Variants in ZNF366 observed in about 807,000 individuals in gnomAD.
The protein encoded by ZNF366 is zinc finger protein 366.
Under a neutral mutation model 47.2 loss-of-function variants are expected in ZNF366, and 20 were observed. That is an observed-to-expected ratio of 0.42 (90% CI 0.30 to 0.62). ZNF366 has a LOEUF of 0.62. Among genes scored for constraint, ZNF366 ranks in the 20% least tolerant of loss-of-function variants. ZNF366 has a pLI of 0.16. For missense variants in ZNF366, 987 were observed against 976.3 expected (o/e 1.01, Z -0.15); for synonymous variants, 421 against 395.1 (o/e 1.07, Z -0.78).
intron 1 of ZNF366, among the ~76,000 whole-genome samples, chr5:72,481,539 T>C (rs1184146411): frequency 6.6e-6 from 1 of 152,244 alleles, no homozygotes; most frequent in African/African-American, 2.4e-5. Flanking sequence ...TTAGATTCTC[T>C]AGAAATAGAA....
At chr5:72,450,982 A>G (rs925833540) in intron 3 of ZNF366, among the ~76,000 whole-genome samples, 3 of 152,194 alleles carry the variant, frequency 2.0e-5, no homozygotes, top group Non-Finnish European at 4.4e-5. Flanking sequence ...GACGAGAGGG[A>G]GGAGGAATGG....
At chr5:72,493,087 A>G (rs1328362136) in intron 1 of ZNF366, among the ~76,000 whole-genome samples, 1 of 152,226 alleles carries the variant, frequency 6.6e-6, no homozygotes, top group South Asian at 2.1e-4. Context: ...GCCTGTGACC[A>G]AGGAAATGTA....
At chr5:72,445,455 C>T (rs7709477) in intron 4 of ZNF366, among the ~76,000 whole-genome samples, 128,424 of 152,160 alleles carry the variant, frequency 0.84, 54,388 homozygotes, top group East Asian at 0.96. Flanking sequence ...ATCTTTAATC[C>T]TGTCAGGGGA....
At chr5:72,467,969 G>A (rs1395376846) in intron 1 of ZNF366, among the ~76,000 whole-genome samples, 1 of 152,210 alleles carries the variant, frequency 6.6e-6, no homozygotes, top group Admixed American at 6.5e-5. Context: ...GGATAGACAT[G>A]AACTGGCGGT....
intron 3 of ZNF366, among the ~76,000 whole-genome samples, chr5:72,450,456 C>A (rs1322679362): frequency 6.6e-6 from 1 of 152,190 alleles, no homozygotes; most frequent in African/African-American, 2.4e-5. Flanking sequence ...GTATCAAGCA[C>A]AGGACTACAC....
Position 72,465,469 on chromosome 5 carries a change from A to T in ZNF366, c.-14-3959T>A, listed in dbSNP as rs544720656. Among the ~76,000 whole-genome samples, 32 of 152,294 alleles carry T rather than the reference A, an allele frequency of 2.1e-4. No homozygotes were observed. The Middle Eastern group carries it at 0.01, about 49-fold the overall frequency. On this transcript the variant is annotated intron_variant, in intron 1 of 4. Transcript: ENST00000318442. The stretch of plus-strand genomic sequence containing the variant: ...TAAAATTCTGGGTGTCCTCAGCAAA[A>T]ATATTAATAGATTCATAGAAAACCT...
intron 1 of ZNF366, among the ~76,000 whole-genome samples, chr5:72,490,670 G>T (rs113018783): frequency 6.6e-6 from 1 of 152,118 alleles, no homozygotes; most frequent in Admixed American, 6.5e-5. Context: ...TCTATTTTTC[G>T]TCATGCCAGA....
intron 1 of ZNF366, among the ~76,000 whole-genome samples, chr5:72,497,283 A>G (rs1255251073): frequency 6.6e-6 from 1 of 152,190 alleles, no homozygotes; most frequent in Non-Finnish European, 1.5e-5. Flanking sequence ...ACTTACATTC[A>G]GGCCTATGAT....
Position 72,460,279 on chromosome 5 carries a change from G to T in ZNF366, c.1218C>A (p.Ser406Arg). ...GCTTCATCATGTGGTTCTGCAGCTGGCTCGGGTACTGGAAGGTCTTGTCGC... is the reference window on the plus strand; with the variant it reads ...GCTTCATCATGTGGTTCTGCAGCTGTCTCGGGTACTGGAAGGTCTTGTCGC... ...SECDKTFQYP[S>R]QLQNHMMKHK... The change falls in exon 2 of 5, where the codon AGC becomes AGA. Residue 406 changes from serine to arginine, a missense_variant. Coordinates refer to ENST00000318442, the MANE Select transcript of ZNF366 (RefSeq NM_152625.3). 1.2e-6 allele frequency: 2 copies of T among 1,614,222 alleles called. No homozygotes were observed. The highest frequency in any genetic ancestry group is 1.7e-6 in the Non-Finnish European group (2 of 1,180,024).
rs532285606 is a variant in ZNF366, at chr5:72,443,866, G to A, written c.2125C>T (p.Arg709Trp). The change falls in exon 5 of 5, where the codon CGG (arginine) becomes TGG (tryptophan). Residue 709 changes from arginine (R) to tryptophan (W), a missense_variant. Physicochemically the swap from Arg to Trp is moderately radical, Grantham distance 101 (BLOSUM62 -3). Around this residue, in one of 3 missense-constraint regions of ZNF366, gnomAD observed 285 missense variants for 234.8 expected, o/e 1.21. Coordinates refer to ENST00000318442, the MANE Select transcript of ZNF366 (RefSeq NM_152625.3). ...CLSLRAFQST[R>W]RGPSFSDYLY... The stretch of plus-strand genomic sequence containing the variant: ...TAATCAGAAAAAGAGGGGCCCCGCC[G>A]GGTACTCTGAAAAGCCCTGAGACTG... The A allele has an allele frequency of 8.3e-5, 134 of 1,614,158 alleles. No homozygotes were observed. The highest frequency in any genetic ancestry group is 9.3e-5 in the Non-Finnish European group (110 of 1,180,020).
chr5:72,463,468 G>A (rs1443272993), intron 1 of ZNF366, among the ~76,000 whole-genome samples: 1 of 152,230 alleles, frequency 6.6e-6, no homozygotes, highest in Admixed American at 6.5e-5. Context: ...CTTACCGTGG[G>A]TTTGGGGCTT....
chr5:72,469,163 A>G (rs1014962465), intron 1 of ZNF366, among the ~76,000 whole-genome samples: 1 of 152,182 alleles, frequency 6.6e-6, no homozygotes, highest in Non-Finnish European at 1.5e-5. Flanking sequence ...CTGAGAATCA[A>G]TGCATAATTG....
chr5:72,486,345 A>G (rs1168936420), intron 1 of ZNF366, among the ~76,000 whole-genome samples: 1 of 152,210 alleles, frequency 6.6e-6, no homozygotes, highest in Non-Finnish European at 1.5e-5. Flanking sequence ...CCTTGGTGCT[A>G]GTTCAGGAGA....
At chr5:72,455,139 C>G (rs1743152569) in intron 3 of ZNF366, among the ~76,000 whole-genome samples, 1 of 152,116 alleles carries the variant, frequency 6.6e-6, no homozygotes, top group Admixed American at 6.6e-5. Flanking sequence ...GGAGGGGAAA[C>G]AGAAGTGGGT....
chr5:72,446,223 C>G (rs1174682045), intron 4 of ZNF366, among the ~76,000 whole-genome samples: 4 of 152,170 alleles, frequency 2.6e-5, no homozygotes, highest in Non-Finnish European at 5.9e-5. Flanking sequence ...GCCTTGGTCT[C>G]CTCTTATATA....
intron 1 of ZNF366, among the ~76,000 whole-genome samples, chr5:72,495,313 A>T (rs1056681504): frequency 2.0e-5 from 3 of 152,088 alleles, no homozygotes; most frequent in Non-Finnish European, 4.4e-5. Context: ...ATGAATTATC[A>T]CTCTTAATTC....
chr5:72,479,269 A>G lies in ZNF366; in HGVS notation c.-14-17759T>C, dbSNP rs529220681. Among the ~76,000 whole-genome samples, 4 of 152,294 alleles carry G rather than the reference A, an allele frequency of 2.6e-5. No individual in the cohort carries two copies. The East Asian group carries it at 7.7e-4, about 29-fold the overall frequency. On this transcript the variant is annotated intron_variant, in intron 1 of 4. Transcript: ENST00000318442. ...AGGTTGAATAGCCTGATTGTACAAG[A>G]AAACAAATCCTGGCTTGGCGTTGTG...
chr5:72,443,935 C>T lies in ZNF366; in HGVS notation c.2056G>A (p.Glu686Lys), dbSNP rs1742906246. 2 of 1,614,210 alleles carry T rather than the reference C, an allele frequency of 1.2e-6. No individual in the cohort carries two copies. The highest frequency in any genetic ancestry group is 4.5e-5 in the East Asian group (2 of 44,880). Residue 686 changes from glutamate (E) to lysine (K), a missense_variant, in exon 5 of 5, where the codon GAG (glutamate) becomes AAG (lysine). By Grantham distance (56) the Glu-to-Lys change is moderately conservative (BLOSUM62 1). Coordinates refer to ENST00000318442, the MANE Select transcript of ZNF366 (RefSeq NM_152625.3). ...GCACAGTCTCTCTCCTGGCCGCCCT[C>T]TGCCCCAAGGTCACCCTTGCTCCTC... is the stretch of plus-strand genomic sequence containing the variant. ...EKRSKGDLGA[E>K]GGQERDCAGR...
chr5:72,469,646 TG>T (rs757989033), intron 1 of ZNF366, among the ~76,000 whole-genome samples: 1 of 152,194 alleles, frequency 6.6e-6, no homozygotes, highest in Non-Finnish European at 1.5e-5. Context: ...AAGAATATTG[TG>T]GGGGCAGGGA....
Sources: allele counts gnomAD v4.1 joint callset (sites outside exome capture counted in the v4.1 genomes callset), GRCh38; gene constraint gnomAD v4.1.1; regional missense constraint gnomAD v4.1.1; transcripts MANE v1.5; gene names NCBI Gene and HGNC (gene_info 2026-07-23, HGNC 2026-07-21).